XPO1: variants seen among roughly 807,000 people sequenced by gnomAD.
XPO1 encodes exportin 1, also known as exportin-1.
In XPO1, 5 loss-of-function variants were observed where a neutral mutation model predicts 133.3. The observed-to-expected ratio is 0.04, with a 90% confidence interval of 0.02 to 0.08. The LOEUF (loss-of-function observed/expected upper bound fraction) is 0.08, where lower values mean the gene tolerates loss of function less well. Among genes scored for constraint, XPO1 ranks in the 10% least tolerant of loss-of-function variants. XPO1 has a pLI of 1.00. For missense variants in XPO1, 506 were observed against 1,267.5 expected (o/e 0.40, Z 9.12); for synonymous variants, 419 against 408.2 (o/e 1.03, Z -0.32).
intron 2 of XPO1, among the ~76,000 whole-genome samples, chr2:61,532,889 T>C (rs1450149753): frequency 1.4e-5 from 2 of 146,624 alleles, no homozygotes; most frequent in African/African-American, 2.5e-5. Flanking sequence ...TTCAAAAACA[T>C]GTTTGGGCCA....
intron 2 of XPO1, among the ~76,000 whole-genome samples, chr2:61,531,224 A>G (rs1023051762): frequency 6.6e-6 from 1 of 152,236 alleles, no homozygotes; most frequent in African/African-American, 2.4e-5. Flanking sequence ...TTTAAGCTCT[A>G]AATCTTGTTT....
At chr2:61,486,063 T>C in intron 19 of XPO1, 101 bp from the exon 20 acceptor site, 3 of 1,046,016 alleles carry the variant, frequency 2.9e-6, no homozygotes, top group Non-Finnish European at 4.0e-6. Flanking sequence ...CATGATCATC[T>C]ACTGAAAACA....
At position 61,481,170 on chromosome 2, in the gene XPO1, CAAAT is replaced by C. The variant is rs755570378; in HGVS notation, c.3069+11_3069+14del. On this transcript the variant is annotated intron_variant, in intron 24 of 24. Coordinates refer to ENST00000401558, the MANE Select transcript of XPO1 (RefSeq NM_003400.4). ...TCTACCCCTAATATTTCTGCAAGAG[CAAAT>C]AAATACATACCTTTATTTGAACTAG... 4 of 1,558,872 alleles carry C rather than the reference CAAAT, an allele frequency of 2.6e-6. No individual in the cohort carries two copies. The highest frequency in any genetic ancestry group is 1.9e-5 in the Admixed American group (1 of 53,092).
At chr2:61,522,753 T>C in intron 3 of XPO1, 70 bp from the exon 4 acceptor site, 1 of 1,094,258 alleles carries the variant, frequency 9.1e-7, no homozygotes, top group Middle Eastern at 2.2e-4. Context: ...GATTCACAAA[T>C]GGACAGACAT....
intron 4 of XPO1, among the ~76,000 whole-genome samples, chr2:61,510,937 CAAAAAAAA>C (rs1163597698): frequency 3.3e-5 from 2 of 61,242 alleles, no homozygotes; most frequent in African/African-American, 1.1e-4. Flanking sequence ...GACCTTATCT[CAAAAAAAA>C]AAAAAAAAAA....
At chr2:61,519,712 A>C (rs1487208436) in intron 4 of XPO1, among the ~76,000 whole-genome samples, 1 of 151,018 alleles carries the variant, frequency 6.6e-6, no homozygotes, top group Non-Finnish European at 1.5e-5. Flanking sequence ...AAAAAAAAAA[A>C]AAAAAAAAAA....
At chr2:61,503,429 A>AT (rs879493202) in intron 4 of XPO1, among the ~76,000 whole-genome samples, 418 of 131,106 alleles carry the variant, frequency 3.2e-3, no homozygotes, top group Middle Eastern at 8.5e-3. Context: ...TCCAGCTACT[A>AT]TTTTTTTTTT....
chr2:61,500,749 A>G (rs1332727979), intron 6 of XPO1, among the ~76,000 whole-genome samples: 1 of 152,096 alleles, frequency 6.6e-6, no homozygotes, highest in African/African-American at 2.4e-5. Flanking sequence ...CAGTGAACTA[A>G]GACGGTGCCA....
At position 61,498,774 on chromosome 2, in the gene XPO1, G is replaced by A. The variant is rs907656491; in HGVS notation, c.658C>T (p.Pro220Ser). ...QFVMENSQNA[P>S]LVHATLETLL... ...GTTTCCAAGGTTGCATGTACAAGTG[G>A]AGCATTTTGAGAATTTTCCTATAAC... The change falls in exon 9 of 25, where the codon CCA becomes TCA. Residue 220 changes from proline to serine, a missense_variant. Around this residue, in one of 6 missense-constraint regions of XPO1, gnomAD observed 134 missense variants for 261.6 expected, o/e 0.51. Transcript: ENST00000401558. 5 of 1,613,768 alleles carry A rather than the reference G, an allele frequency of 3.1e-6. No individual in the cohort carries two copies. The highest frequency in any genetic ancestry group is 4.2e-6 in the Non-Finnish European group (5 of 1,179,948).
Position 61,484,077 on chromosome 2 carries a change from G to A in XPO1, c.2537C>T (p.Thr846Met), listed in dbSNP as rs573140134. 2 of 1,613,372 alleles carry A rather than the reference G, an allele frequency of 1.2e-6. No individual in the cohort carries two copies. The highest frequency in any genetic ancestry group is 1.7e-5 in the Admixed American group (1 of 59,946). Residue 846 changes from threonine (T) to methionine (M), a missense_variant, in exon 21 of 25, where the codon ACG becomes ATG. Physicochemically the swap from Thr to Met is moderately conservative, Grantham distance 81. Transcript: ENST00000401558. ...KDFEEYPEHR[T>M]NFFLLLQAVN... ...AGCCTGAAGTAGTAAGAAAAAGTTC[G>A]TTCTATGTTCAGGATATTCTTCAAA...
intron 17 of XPO1, among the ~76,000 whole-genome samples, chr2:61,490,381 T>A (rs546248606): frequency 5.3e-4 from 80 of 151,946 alleles, no homozygotes; most frequent in Non-Finnish European, 8.2e-4. Flanking sequence ...GTATTTTTAG[T>A]AGAGACGGGG....
chr2:61,500,689 C>T (rs1312801674), intron 6 of XPO1, among the ~76,000 whole-genome samples: 3 of 151,470 alleles, frequency 2.0e-5, no homozygotes, highest in South Asian at 2.1e-4. Context: ...GTCTCAGCTA[C>T]TGGGGAGGCC....
chr2:61,485,989 G>A (rs746884279), intron 19 of XPO1, 27 bp from the exon 20 acceptor site: 1 of 1,578,758 alleles, frequency 6.3e-7, no homozygotes, highest in South Asian at 1.1e-5. Context: ...AAAAAGTTAT[G>A]TTTTAATTTA....
chr2:61,482,085 C>G (rs150708914), intron 23 of XPO1, among the ~76,000 whole-genome samples: 28 of 141,840 alleles, frequency 2.0e-4, no homozygotes, highest in African/African-American at 6.4e-4. Flanking sequence ...GGGTCTCACT[C>G]TATCACCCAG....
chr2:61,507,906 A>C (rs1697906750), intron 4 of XPO1, among the ~76,000 whole-genome samples: 1 of 152,198 alleles, frequency 6.6e-6, no homozygotes, highest in Admixed American at 6.5e-5. Flanking sequence ...TCATTAATTA[A>C]TTAATTCCAA....
chr2:61,534,189 C>T, intron 1 of XPO1: 1 of 221,018 alleles, frequency 4.5e-6, no homozygotes, highest in Non-Finnish European at 8.8e-6. Context: ...GTATGCTAAC[C>T]TATTATTTAA....
chr2:61,483,767 G>A (rs917418855), intron 21 of XPO1, 170 bp downstream of exon 21: 5 of 678,672 alleles, frequency 7.4e-6, no homozygotes, highest in Middle Eastern at 4.3e-4. Context: ...GGACTCACTT[G>A]GAGTGGAGTG....
At chr2:61,514,609 A>G (rs563292866) in intron 4 of XPO1, among the ~76,000 whole-genome samples, 38 of 151,588 alleles carry the variant, frequency 2.5e-4, no homozygotes, top group African/African-American at 9.2e-4. Flanking sequence ...AAAAAAAAAA[A>G]AAGAAAGAAA....
intron 4 of XPO1, among the ~76,000 whole-genome samples, chr2:61,510,388 T>C (rs1467728030): frequency 6.6e-6 from 1 of 152,190 alleles, no homozygotes; most frequent in Non-Finnish European, 1.5e-5. Flanking sequence ...TTACTACTGT[T>C]CTCTCAATGA....
Sources: allele counts gnomAD v4.1 joint callset (sites outside exome capture counted in the v4.1 genomes callset), GRCh38; gene constraint gnomAD v4.1.1; regional missense constraint gnomAD v4.1.1; transcripts MANE v1.5; gene names NCBI Gene and HGNC (gene_info 2026-07-23, HGNC 2026-07-21).